INSR: variants seen among roughly 807,000 people sequenced by gnomAD.
INSR encodes IR.
In INSR, 67 loss-of-function variants were observed where a neutral mutation model predicts 142.6. That is an observed-to-expected ratio of 0.47 (90% CI 0.39 to 0.58). The LOEUF (loss-of-function observed/expected upper bound fraction) is 0.58. INSR is among the 20% of genes least tolerant of loss of function. The pLI, the probability that INSR is intolerant of heterozygous loss-of-function variation, is 0.00. For synonymous variants in INSR, 756 were observed against 743.1 expected (o/e 1.02, Z -0.28); for missense variants, 1,248 against 1,833.2 (o/e 0.68, Z 5.83).
chr19:7,184,478 G>T lies in INSR; in HGVS notation c.812C>A (p.Pro271Gln). The stretch of plus-strand genomic sequence containing the variant: ...GCGCCAGTCCTGGAAGTGGTAGTAC[G>T]GGGGCGGGCAGGTCTCCACACACCT... ...DGRCVETCPP[P>Q]YYHFQDWRCV... Residue 271 changes from proline to glutamine, a missense_variant, in exon 3 of 22, where the codon CCG (proline) becomes CAG (glutamine). By Grantham distance (76) the Pro-to-Gln change is moderately conservative. This residue lies in a region of INSR where 1,069 missense variants were observed against 1,654.0 expected (regional missense o/e 0.65). Transcript: ENST00000302850. 1 of 1,614,004 alleles carries T rather than the reference G, an allele frequency of 6.2e-7. No individual in the cohort carries two copies. Among genetic ancestry groups the T allele is most frequent in the Non-Finnish European group, 8.5e-7 (1 of 1,180,020 alleles).
intron 2 of INSR, among the ~76,000 whole-genome samples, chr19:7,261,899 GGGT>G (rs1391045705): frequency 6.6e-6 from 1 of 152,142 alleles, no homozygotes; most frequent in Non-Finnish European, 1.5e-5. Context: ...GTAGAAGAAG[GGGT>G]GGATGTTGCT....
At chr19:7,167,857 G>A in intron 7 of INSR, 111 bp downstream of exon 7, 1 of 1,280,810 alleles carries the variant, frequency 7.8e-7, no homozygotes, top group Non-Finnish European at 1.1e-6. Context: ...ATTCCAGGAG[G>A]AGGAGGGAGA....
At position 7,112,856 on chromosome 19, in the gene INSR, CT is replaced by C. The variant is rs1972239862; in HGVS notation, c.*4199del. On this transcript the variant is annotated 3_prime_UTR_variant, in exon 22 of 22. Transcript: ENST00000302850. ...AGTCCACCATGTTCTTTTGTATGTT[CT>C]AGGAAAAAAAAAAGTGCTGACCTGT... 1.3e-5 allele frequency: 2 copies of C among 151,706 alleles called. No homozygotes were observed. The highest frequency in any genetic ancestry group is 4.2e-4 in the South Asian group (2 of 4,792). The allele number at this position is 151,706 out of a possible 1,614,324, so 9.4% of individuals were successfully genotyped here.
At chr19:7,262,243 A>C (rs755092151) in intron 2 of INSR, among the ~76,000 whole-genome samples, 1 of 152,042 alleles carries the variant, frequency 6.6e-6, no homozygotes, top group African/African-American at 2.4e-5. Context: ...GGCCGAGGCC[A>C]GTGGATTATC....
intron 3 of INSR, among the ~76,000 whole-genome samples, chr19:7,177,128 A>T (rs1439509117): frequency 6.6e-6 from 1 of 152,174 alleles, no homozygotes; most frequent in Non-Finnish European, 1.5e-5. Flanking sequence ...CTCTGAGATC[A>T]GTTCTTGGTT....
rs1311857764 is a variant in INSR at position 7,168,707 on chromosome 19, A to C, written c.1484-613T>G. On this transcript the variant is annotated intron_variant, in intron 6 of 21. Transcript: ENST00000302850. The surrounding 1 kb of genome is among the most constrained non-coding windows in gnomAD (Gnocchi z 4.3). Reference sequence around the variant, plus strand: ...CACCTACCGGGTTTAAGCAATTCTCATGCCTCAGCCTCTCAAGTAGCTGGG... The same window carrying C: ...CACCTACCGGGTTTAAGCAATTCTCCTGCCTCAGCCTCTCAAGTAGCTGGG... Among the ~76,000 whole-genome samples the C allele has an allele frequency of 6.6e-6, 1 of 151,534 alleles. No homozygotes were observed. Among genetic ancestry groups the C allele is most frequent in the Non-Finnish European group, 1.5e-5 (1 of 67,922 alleles).
intron 9 of INSR, among the ~76,000 whole-genome samples, chr19:7,154,785 G>A (rs1165083065): frequency 1.3e-5 from 2 of 151,874 alleles, no homozygotes; most frequent in South Asian, 2.1e-4. Flanking sequence ...TTAGCCGGGC[G>A]TGGTGGTGGG....
chr19:7,284,652 C>T (rs904301552), intron 1 of INSR, among the ~76,000 whole-genome samples: 2 of 152,062 alleles, frequency 1.3e-5, no homozygotes, highest in African/African-American at 4.8e-5. Context: ...CCTCAGCCTC[C>T]GGAGTAGCTC....
chr19:7,215,797 G>T (rs1975415315), intron 2 of INSR, among the ~76,000 whole-genome samples: 1 of 151,704 alleles, frequency 6.6e-6, no homozygotes, highest in African/African-American at 2.4e-5. Context: ...TCAAACTCCT[G>T]ACCTCAGGTG....
rs1404974137 is a variant in INSR at position 7,117,330 on chromosome 19, T to C, written c.3875A>G (p.Asp1292Gly). 1.9e-6 allele frequency: 3 copies of C among 1,614,180 alleles called. No individual in the cohort carries two copies. Among genetic ancestry groups the C allele is most frequent in the Non-Finnish European group, 2.5e-6 (3 of 1,180,032 alleles). ...TFLEIVNLLKDDLHPSFPEVS... is the reference protein window; with the variant it reads ...TFLEIVNLLKGDLHPSFPEVS... Reference sequence around the variant, plus strand: ...CTCTGGAAAGCTGGGGTGCAGGTCGTCCTTGAGCAGGTTGACAATCTCCAG... The same window carrying C: ...CTCTGGAAAGCTGGGGTGCAGGTCGCCCTTGAGCAGGTTGACAATCTCCAG... Residue 1292 changes from aspartate to glycine, a missense_variant, in exon 22 of 22, where the codon GAC becomes GGC. Asp to Gly is a moderately conservative substitution (Grantham distance 94). Coordinates refer to ENST00000302850, the MANE Select transcript of INSR (RefSeq NM_000208.4).
intron 9 of INSR, among the ~76,000 whole-genome samples, chr19:7,161,529 C>T (rs115296577): frequency 0.011 from 1,636 of 152,238 alleles, 28 homozygotes; most frequent in African/African-American, 0.038. Context: ...GGATTACAGG[C>T]ATGAGCGCCA....
intron 1 of INSR, among the ~76,000 whole-genome samples, chr19:7,278,727 C>T (rs887902831): frequency 5.3e-5 from 8 of 151,942 alleles, no homozygotes; most frequent in African/African-American, 1.2e-4. Context: ...GGTGTGGTGG[C>T]GTGTGCCTGT....
rs576458189 is a variant in INSR at position 7,194,937 on chromosome 19, G to T, written c.653-10300C>A. On this transcript the variant is annotated intron_variant, in intron 2 of 21. Transcript: ENST00000302850. ...TAGGAAACCTGTTCTCGTATTAAAT[G>T]AAAAAGCATCAGAACATAGATGACA... is the stretch of plus-strand genomic sequence containing the variant. Among the ~76,000 whole-genome samples, 52 of 151,992 alleles carry T rather than the reference G, an allele frequency of 3.4e-4. 1 individual carries two copies. Among genetic ancestry groups the T allele is most frequent in the Non-Finnish European group, 1.5e-5 (1 of 67,974 alleles).
intron 2 of INSR, among the ~76,000 whole-genome samples, chr19:7,212,678 C>T (rs1347439178): frequency 6.6e-6 from 1 of 152,008 alleles, no homozygotes; most frequent in Non-Finnish European, 1.5e-5. Context: ...CTCTACCTCC[C>T]GGGTTCAAGC....
chr19:7,159,383 G>A lies in INSR; in HGVS notation c.2029+3649C>T, dbSNP rs952641596. On this transcript the variant is annotated intron_variant, in intron 9 of 21. Coordinates refer to ENST00000302850, the MANE Select transcript of INSR (RefSeq NM_000208.4). The surrounding 1 kb of genome is among the most constrained non-coding windows in gnomAD (Gnocchi z 4.3). ...TTCTACTTTCTGTCTCTATGAATCT[G>A]AGGACTCTAGGGACCTCCTAGGAGT... is the stretch of plus-strand genomic sequence containing the variant. The A allele has an allele frequency of 6.6e-6, 1 of 152,126 alleles. No individual in the cohort carries two copies. Among genetic ancestry groups the A allele is most frequent in the Non-Finnish European group, 1.5e-5 (1 of 68,032 alleles). The allele number at this position is 152,126 out of a possible 1,614,324, so 9.4% of individuals were successfully genotyped here. A position where few individuals can be genotyped will look rare whatever the true frequency, so the allele number is the denominator to read the frequency against.
At chr19:7,177,381 GAAA>G (rs1023126124) in intron 3 of INSR, among the ~76,000 whole-genome samples, 1 of 152,112 alleles carries the variant, frequency 6.6e-6, no homozygotes, top group Non-Finnish European at 1.5e-5. Flanking sequence ...CAACAAAGAG[GAAA>G]ATAAAGATGA....
At chr19:7,130,276 G>A (rs7252192) in intron 14 of INSR, among the ~76,000 whole-genome samples, 27,685 of 152,124 alleles carry the variant, frequency 0.18, 2,635 homozygotes, top group South Asian at 0.31. Context: ...GGAGCTGGAG[G>A]TGATTATCCT....
In INSR at chr19:7,115,749, C is replaced by A. The variant is rs138486944; in HGVS notation, c.*1307G>T. Reference sequence around the variant, plus strand: ...AGGCTCAGAGCTAGGTAGCTACCAGCTTATCCGAACAGGAACCTTCCAGCA... The same window carrying A: ...AGGCTCAGAGCTAGGTAGCTACCAGATTATCCGAACAGGAACCTTCCAGCA... On this transcript the variant is annotated 3_prime_UTR_variant, in exon 22 of 22. Transcript: ENST00000302850. The A allele has an allele frequency of 1.3e-5, 2 of 152,346 alleles. No individual in the cohort carries two copies. Among genetic ancestry groups the A allele is most frequent in the African/African-American group, 4.8e-5 (2 of 41,562 alleles). The allele number at this position is 152,346 out of a possible 1,614,324, so 9.4% of individuals were successfully genotyped here. A position where few individuals can be genotyped will look rare whatever the true frequency, so the allele number is the denominator to read the frequency against.
At chr19:7,256,457 A>T (rs1976896054) in intron 2 of INSR, among the ~76,000 whole-genome samples, 1 of 151,910 alleles carries the variant, frequency 6.6e-6, no homozygotes, top group Non-Finnish European at 1.5e-5. Flanking sequence ...TCACTAAATA[A>T]ATAAATAAAT....
Sources: gnomAD v4.1 joint callset for allele counts (sites outside exome capture counted in the v4.1 genomes callset) on GRCh38, gnomAD v4.1.1 for gene constraint, gnomAD v4.1.1 regional missense constraint, Gnocchi (gnomAD v3.1) non-coding constraint, MANE v1.5 for transcripts, NCBI Gene and HGNC (gene_info 2026-07-23, HGNC 2026-07-21) for gene names.